ATP2B2: variants seen among roughly 807,000 people sequenced by gnomAD.
ATP2B2 encodes the protein plasma membrane calcium-transporting ATPase 2.
Under a neutral mutation model 120.0 loss-of-function variants are expected in ATP2B2, and 15 were observed. The observed-to-expected ratio is 0.12, with a 90% CI of 0.08 to 0.19. The LOEUF is 0.19. Ranked by LOEUF, ATP2B2 falls within the 10% of genes least tolerant of loss-of-function variation. ATP2B2 has a pLI of 1.00. For synonymous variants in ATP2B2, 694 were observed against 700.3 expected (o/e 0.99, Z 0.14); for missense variants, 1,045 against 1,719.8 (o/e 0.61, Z 6.94).
At position 10,600,555 on chromosome 3, in the gene ATP2B2, C is replaced by T. The variant is rs535558191; in HGVS notation, c.-415+19362G>A. 1.6e-4 allele frequency among the ~76,000 whole-genome samples: 25 copies of T among 152,336 alleles called. No homozygotes were observed. In the South Asian group the frequency reaches 5.2e-3, roughly 32 times the overall value. ...GGTAAAACAAAAGGCCCTTTCACGG[C>T]GAGAACTGGCTCTGCTTACAGGCAT... On this transcript the variant is annotated intron_variant, in intron 2 of 21. Transcript: ENST00000646379.
intron 2 of ATP2B2, among the ~76,000 whole-genome samples, chr3:10,611,577 G>A (rs1575556484): frequency 6.6e-6 from 1 of 152,156 alleles, no homozygotes; most frequent in Non-Finnish European, 1.5e-5. Context: ...GGGGCACTGG[G>A]TCCCTCTTTT....
chr3:10,540,813 A>G (rs2067422059), intron 2 of ATP2B2, among the ~76,000 whole-genome samples: 1 of 151,954 alleles, frequency 6.6e-6, no homozygotes, highest in Non-Finnish European at 1.5e-5. Flanking sequence ...GTACATGTAT[A>G]CATATGTAAC....
intron 1 of ATP2B2, among the ~76,000 whole-genome samples, chr3:10,665,139 C>A (rs1359490659): frequency 6.6e-6 from 1 of 152,192 alleles, no homozygotes; most frequent in South Asian, 2.1e-4. Context: ...TACCTGCTAC[C>A]CTGCTCTGAG....
chr3:10,611,868 A>G (rs1283901854), intron 2 of ATP2B2, among the ~76,000 whole-genome samples: 1 of 152,226 alleles, frequency 6.6e-6, no homozygotes, highest in African/African-American at 2.4e-5. Flanking sequence ...AGTGTTAGAT[A>G]GGAGAATGCA....
At chr3:10,625,179 C>T (rs984075164) in intron 1 of ATP2B2, among the ~76,000 whole-genome samples, 1 of 152,240 alleles carries the variant, frequency 6.6e-6, no homozygotes, top group Non-Finnish European at 1.5e-5. Context: ...ACGAGGCCAC[C>T]TGCCTTGCAG....
upstream of ATP2B2, among the ~76,000 whole-genome samples, chr3:10,509,240 G>T (rs1258313473): frequency 2.0e-5 from 3 of 152,192 alleles, no homozygotes; most frequent in African/African-American, 7.2e-5. Context: ...TTCGGTATGA[G>T]ACGTGGGCTC....
At chr3:10,633,984 C>G (rs892607) in intron 1 of ATP2B2, among the ~76,000 whole-genome samples, 80,105 of 151,874 alleles carry the variant, frequency 0.53, 22,002 homozygotes, top group Non-Finnish European at 0.61. Flanking sequence ...GGTAAGAATG[C>G]CCCACCGCCC....
intron 1 of ATP2B2, among the ~76,000 whole-genome samples, chr3:10,702,699 C>G (rs2071836777): frequency 6.6e-6 from 1 of 152,200 alleles, no homozygotes; most frequent in Admixed American, 6.5e-5. Flanking sequence ...CTAAGTCCCA[C>G]TTTTTATTTT....
At chr3:10,394,343 G>A in intron 5 of ATP2B2, 1 of 442,138 alleles carries the variant, frequency 2.3e-6, no homozygotes, top group South Asian at 1.6e-5. Flanking sequence ...GAGGCAGTAG[G>A]CAAAGTGTCC....
At chr3:10,480,515 T>G (rs1289840248) in intron 1 of ATP2B2, among the ~76,000 whole-genome samples, 2 of 152,290 alleles carry the variant, frequency 1.3e-5, no homozygotes, top group African/African-American at 4.8e-5. Context: ...ACACAGGCTT[T>G]GAGAACTGCC....
chr3:10,424,078 T>C (rs1477894438), intron 2 of ATP2B2, among the ~76,000 whole-genome samples: 2 of 152,194 alleles, frequency 1.3e-5, no homozygotes, highest in Non-Finnish European at 2.9e-5. Flanking sequence ...GCCCCTCTCA[T>C]AGGCCCCACT....
At chr3:10,506,233 G>A (rs1559426539), upstream of ATP2B2, among the ~76,000 whole-genome samples, 1 of 152,106 alleles carries the variant, frequency 6.6e-6, no homozygotes, top group Non-Finnish European at 1.5e-5. Flanking sequence ...CTGCCCTGAA[G>A]CGCTACCCCT....
chr3:10,360,173 A>T, intron 12 of ATP2B2, 50 bp from the exon 13 acceptor site: 1 of 1,536,776 alleles, frequency 6.5e-7, no homozygotes, highest in Non-Finnish European at 8.7e-7. Flanking sequence ...CTGTGTCGGG[A>T]GCCTCTGCCC....
intron 1 of ATP2B2, among the ~76,000 whole-genome samples, chr3:10,677,596 T>C (rs993038213): frequency 1.4e-4 from 22 of 152,118 alleles, no homozygotes; most frequent in Admixed American, 8.5e-4. Context: ...CATATATCAC[T>C]CTGGTGGGGG....
At position 10,706,472 on chromosome 3, in the gene ATP2B2, C is replaced by T. The variant is rs2071898014; in HGVS notation, c.-460+1443G>A. Among the ~76,000 whole-genome samples, 5 of 152,182 alleles carry T rather than the reference C, an allele frequency of 3.3e-5. No homozygotes were observed. The South Asian group carries it at 1.0e-3, about 31-fold the overall frequency. On this transcript the variant is annotated intron_variant, in intron 1 of 21. Coordinates refer to the ATP2B2 transcript ENST00000646379. ...CCCAGAGTTAGCCCACCCAGTGGCT[C>T]CAGTGGGCTTCTGAGGGCATTGGGA...
intron 1 of ATP2B2, among the ~76,000 whole-genome samples, chr3:10,466,312 G>A (rs1045783597): frequency 6.6e-6 from 1 of 152,196 alleles, no homozygotes; most frequent in Non-Finnish European, 1.5e-5. Context: ...TCATGTCTAC[G>A]TGTGCATGCA....
rs906052137 is a variant in ATP2B2 at position 10,552,640 on chromosome 3, C to A, written c.-414-18507G>T. ...CATCCTCAGGATGACTTGTTCTTAT[C>A]TCCTCTTACAAATGAAGAAACTGAG... On this transcript the variant is annotated intron_variant, in intron 2 of 21. Transcript: ENST00000646379. 5.9e-5 allele frequency among the ~76,000 whole-genome samples: 9 copies of A among 152,242 alleles called. No individual in the cohort carries two copies. In the East Asian group the frequency reaches 1.5e-3, roughly 26 times the overall value.
At chr3:10,534,771 T>C (rs1559445139) in intron 2 of ATP2B2, among the ~76,000 whole-genome samples, 1 of 152,018 alleles carries the variant, frequency 6.6e-6, no homozygotes, top group Non-Finnish European at 1.5e-5. Flanking sequence ...TAAAATATAA[T>C]ATGCATAAGT....
intron 2 of ATP2B2, among the ~76,000 whole-genome samples, chr3:10,606,568 A>G (rs2069072892): frequency 6.6e-6 from 1 of 152,140 alleles, no homozygotes; most frequent in Non-Finnish European, 1.5e-5. Context: ...TCCCTTACTT[A>G]GTTAACTCTG....
Sources: allele counts gnomAD v4.1 joint callset (sites outside exome capture counted in the v4.1 genomes callset), GRCh38; gene constraint gnomAD v4.1.1; transcripts MANE v1.5; gene names NCBI Gene and HGNC (gene_info 2026-07-23, HGNC 2026-07-21).